Variants in PKNOX2 observed in about 807,000 individuals in gnomAD.
PKNOX2 encodes homeobox protein PKNOX2.
In PKNOX2, 14 loss-of-function variants were observed where a neutral mutation model predicts 53.1. The ratio of observed to expected loss-of-function variants is 0.26; its 90% CI spans 0.17 to 0.41. PKNOX2 has a LOEUF of 0.41. PKNOX2 is among the 10% of genes least tolerant of loss of function. PKNOX2 has a pLI of 1.00. For missense variants in PKNOX2, 496 were observed against 602.8 expected (o/e 0.82, Z 1.85); for synonymous variants, 257 against 242.8 (o/e 1.06, Z -0.54).
At chr11:125,293,872 C>T (rs544970868) in intron 2 of PKNOX2, among the ~76,000 whole-genome samples, 10 of 152,238 alleles carry the variant, frequency 6.6e-5, no homozygotes, top group African/African-American at 1.9e-4. Context: ...GGAACATCTC[C>T]CATCTCCCTC....
chr11:125,363,266 T>G (rs1222550657), intron 4 of PKNOX2, among the ~76,000 whole-genome samples: 1 of 152,188 alleles, frequency 6.6e-6, no homozygotes, highest in East Asian at 1.9e-4. Context: ...CAATGTCACA[T>G]CTCATAGGGG....
At chr11:125,199,188 C>G (rs1184939136) in intron 1 of PKNOX2, among the ~76,000 whole-genome samples, 1 of 152,088 alleles carries the variant, frequency 6.6e-6, no homozygotes, top group Non-Finnish European at 1.5e-5. Context: ...ACCTGTTGCC[C>G]CAGCCCAGCC....
At chr11:125,219,239 G>C (rs1408754868) in intron 1 of PKNOX2, among the ~76,000 whole-genome samples, 1 of 151,912 alleles carries the variant, frequency 6.6e-6, no homozygotes, top group South Asian at 2.1e-4. Flanking sequence ...TTCCAGACCA[G>C]CCTGGCTAAC....
intron 12 of PKNOX2, among the ~76,000 whole-genome samples, chr11:125,430,871 G>A (rs1956668672): frequency 6.6e-6 from 1 of 152,334 alleles, no homozygotes; most frequent in East Asian, 1.9e-4. Context: ...ACAGAATGGG[G>A]ATAATAATAC....
At chr11:125,254,396 G>C (rs943697153) in intron 2 of PKNOX2, among the ~76,000 whole-genome samples, 1 of 152,220 alleles carries the variant, frequency 6.6e-6, no homozygotes, top group African/African-American at 2.4e-5. Context: ...TCCTCACCCA[G>C]TGGGATCTGC....
chr11:125,256,324 G>A (rs1393482978), intron 2 of PKNOX2, among the ~76,000 whole-genome samples: 1 of 152,026 alleles, frequency 6.6e-6, no homozygotes, highest in Non-Finnish European at 1.5e-5. Flanking sequence ...GGGCTTCAGG[G>A]ACTGGGTTTC....
chr11:125,321,785 G>C (rs1453993522), intron 2 of PKNOX2, among the ~76,000 whole-genome samples: 1 of 152,200 alleles, frequency 6.6e-6, no homozygotes, highest in African/African-American at 2.4e-5. Flanking sequence ...CCTTAGACTG[G>C]GTAATGTAGA....
intron 2 of PKNOX2, among the ~76,000 whole-genome samples, chr11:125,238,454 G>A (rs975848220): frequency 6.6e-6 from 1 of 152,192 alleles, no homozygotes; most frequent in African/African-American, 2.4e-5. Flanking sequence ...TACAGAAGAG[G>A]AGAGGAGGCT....
At chr11:125,201,153 G>A (rs1005925133) in intron 1 of PKNOX2, among the ~76,000 whole-genome samples, 2 of 152,164 alleles carry the variant, frequency 1.3e-5, no homozygotes, top group Admixed American at 6.5e-5. Flanking sequence ...TGAGAGCTTA[G>A]GCTGGGGCTG....
chr11:125,298,584 T>G (rs1318886189), intron 2 of PKNOX2, among the ~76,000 whole-genome samples: 2 of 152,164 alleles, frequency 1.3e-5, no homozygotes, highest in Non-Finnish European at 2.9e-5. Flanking sequence ...GCCTGAGCTG[T>G]GCATAGACAG....
intron 7 of PKNOX2, among the ~76,000 whole-genome samples, chr11:125,407,582 C>A (rs1341056621): frequency 2.0e-5 from 3 of 151,960 alleles, no homozygotes; most frequent in African/African-American, 7.3e-5. Context: ...AGGTGAATGG[C>A]ATGGAGGTAC....
At chr11:125,197,834 C>T (rs903808202) in intron 1 of PKNOX2, among the ~76,000 whole-genome samples, 17 of 152,254 alleles carry the variant, frequency 1.1e-4, no homozygotes, top group African/African-American at 3.6e-4. Flanking sequence ...TGGGTCATCT[C>T]GGTATCTGCT....
At chr11:125,173,781 G>A (rs1350563189) in intron 1 of PKNOX2, among the ~76,000 whole-genome samples, 1 of 152,174 alleles carries the variant, frequency 6.6e-6, no homozygotes, top group Non-Finnish European at 1.5e-5. Flanking sequence ...ACCCCTGGGT[G>A]GAAAGAATTC....
chr11:125,374,121 C>T lies in PKNOX2; in HGVS notation c.227+6136C>T, dbSNP rs150658591. Among the ~76,000 whole-genome samples, 252 of 152,290 alleles carry T rather than the reference C, an allele frequency of 1.7e-3. 1 individual carries two copies. The highest frequency in any genetic ancestry group is 2.9e-3 in the Non-Finnish European group (195 of 68,020). ...TTGAGAGAACTCTTCCACCCTGTGA[C>T]CAAAGAGTGTTCTGGCTCCAGTGAA... On this transcript the variant is annotated intron_variant, in intron 5 of 12. Coordinates refer to ENST00000298282, the MANE Select transcript of PKNOX2 (RefSeq NM_001382323.2).
intron 5 of PKNOX2, among the ~76,000 whole-genome samples, chr11:125,368,492 G>A (rs1952316893): frequency 6.6e-6 from 1 of 152,238 alleles, no homozygotes; most frequent in Non-Finnish European, 1.5e-5. Context: ...GCTATAGGAA[G>A]AGGGATAGGC....
At chr11:125,311,115 C>T (rs937549241) in intron 2 of PKNOX2, among the ~76,000 whole-genome samples, 1 of 152,164 alleles carries the variant, frequency 6.6e-6, no homozygotes, top group African/African-American at 2.4e-5. Flanking sequence ...CCAGCCTACT[C>T]TTTTGTGTTG....
chr11:125,411,109 A>G (rs1591562407), intron 9 of PKNOX2: 1 of 484,020 alleles, frequency 2.1e-6, no homozygotes, highest in South Asian at 2.4e-5. Flanking sequence ...TGCACTTCCT[A>G]TTCCTGTCTG....
intron 2 of PKNOX2, among the ~76,000 whole-genome samples, chr11:125,250,744 CGGA>C: frequency 6.6e-6 from 1 of 152,342 alleles, no homozygotes; most frequent in South Asian, 2.1e-4. Context: ...ACACACCTAT[CGGA>C]GGAGACCGCA....
intron 2 of PKNOX2, among the ~76,000 whole-genome samples, chr11:125,319,311 G>C (rs1332324822): frequency 6.6e-6 from 1 of 152,138 alleles, no homozygotes; most frequent in Non-Finnish European, 1.5e-5. Context: ...ACTCATCACA[G>C]ATCACCATAA....
Sources: allele counts gnomAD v4.1 joint callset (sites outside exome capture counted in the v4.1 genomes callset), GRCh38; gene constraint gnomAD v4.1.1; transcripts MANE v1.5; gene names NCBI Gene and HGNC (gene_info 2026-07-23, HGNC 2026-07-21).